AGPAT5: variants seen among roughly 807,000 people sequenced by gnomAD.
AGPAT5 encodes 1-acylglycerol-3-phosphate O-acyltransferase 5.
A neutral mutation model predicts 45.6 loss-of-function variants in AGPAT5; 46 were observed. The ratio of observed to expected loss-of-function variants is 1.01; its 90% confidence interval spans 0.80 to 1.29. AGPAT5 has a LOEUF of 1.29. Among genes scored for constraint, AGPAT5 ranks in the 50% most tolerant of loss-of-function variants. The pLI is 0.00. For synonymous variants in AGPAT5, 272 were observed against 167.0 expected, an observed-to-expected ratio of 1.63 and a Z score of -4.85; for missense variants, 673 against 450.7, an observed-to-expected ratio of 1.49 and a Z score of -4.47.
Position 6,760,356 on chromosome 8 carries a change from C to G in AGPAT5, c.*2968C>G, listed in dbSNP as rs1801993703. On this transcript the variant is annotated 3_prime_UTR_variant, in exon 8 of 8. Coordinates refer to ENST00000285518, the MANE Select transcript of AGPAT5 (RefSeq NM_018361.5). The stretch of plus-strand genomic sequence containing the variant: ...GAGATTGCAGTGAGCCATGGACATA[C>G]CACTGCACTACAGCCTAGGTAACAG... Among the ~76,000 whole-genome samples the G allele has an allele frequency of 6.6e-6, 1 of 152,124 alleles. No homozygotes were observed. The highest frequency in any genetic ancestry group is 2.1e-4 in the South Asian group (1 of 4,832).
intron 1 of AGPAT5, chr8:6,709,337 C>T (rs1274210992): frequency 5.7e-6 from 1 of 174,480 alleles, no homozygotes; most frequent in Admixed American, 5.8e-5. Context: ...TTCCCCTGGA[C>T]AAGTGAAAGC....
intron 1 of AGPAT5, among the ~76,000 whole-genome samples, chr8:6,721,377 C>A (rs10105620): frequency 0.021 from 3,204 of 152,310 alleles, 115 homozygotes; most frequent in African/African-American, 0.073. Context: ...CTAGCTAGCT[C>A]TTTCTCTTAT....
intron 7 of AGPAT5, among the ~76,000 whole-genome samples, chr8:6,755,608 T>C (rs1265378570): frequency 6.6e-6 from 1 of 152,308 alleles, no homozygotes; most frequent in East Asian, 1.9e-4. Context: ...ATGATGCTGT[T>C]ATATTTGTTG....
chr8:6,739,672 T>C (rs1464899400), intron 4 of AGPAT5, among the ~76,000 whole-genome samples: 2 of 152,142 alleles, frequency 1.3e-5, no homozygotes, highest in Admixed American at 1.3e-4. Flanking sequence ...TAGGATTTCC[T>C]ACATAAACAA....
chr8:6,753,068 A>C (rs1203261647), intron 6 of AGPAT5, among the ~76,000 whole-genome samples: 2 of 152,198 alleles, frequency 1.3e-5, no homozygotes, highest in Non-Finnish European at 2.9e-5. Context: ...AATTGCAGAG[A>C]TCAAATGAAA....
chr8:6,712,936 A>G (rs1279545027), intron 1 of AGPAT5, among the ~76,000 whole-genome samples: 1 of 152,148 alleles, frequency 6.6e-6, no homozygotes. Context: ...TATGCAATAC[A>G]CTGAAAACTG....
intron 4 of AGPAT5, among the ~76,000 whole-genome samples, chr8:6,733,198 C>A (rs1002818794): frequency 6.6e-6 from 1 of 152,222 alleles, no homozygotes; most frequent in African/African-American, 2.4e-5. Context: ...AAAGGCTTTT[C>A]CCCTGGTTCC....
chr8:6,747,685 A>G lies in AGPAT5; in HGVS notation c.602A>G (p.Lys201Arg). ...TGACTTCTAGGCCTTGCAGTATTAA[A>G]ACATGTGCTAACACCACGAATAAAG... ...FAAQRGLAVL[K>R]HVLTPRIKAT... is the part of the protein sequence containing the mutation. The change falls in exon 6 of 8, where the codon AAA becomes AGA. Residue 201 changes from lysine (K) to arginine (R), a missense_variant. Physicochemically the swap from Lys to Arg is conservative, Grantham distance 26 (BLOSUM62 2). Transcript: ENST00000285518. 1 of 1,614,026 alleles carries G rather than the reference A, an allele frequency of 6.2e-7. No individual in the cohort carries two copies. Among genetic ancestry groups the G allele is most frequent in the Admixed American group, 1.7e-5 (1 of 60,018 alleles).
At chr8:6,719,776 C>T (rs192317619) in intron 1 of AGPAT5, among the ~76,000 whole-genome samples, 1 of 152,314 alleles carries the variant, frequency 6.6e-6, no homozygotes, top group Admixed American at 6.5e-5. Context: ...TCTATCTTCT[C>T]TTAAAAAATC....
At chr8:6,743,486 A>C (rs138649703) in intron 5 of AGPAT5, among the ~76,000 whole-genome samples, 2 of 152,226 alleles carry the variant, frequency 1.3e-5, no homozygotes, top group Non-Finnish European at 1.5e-5. Context: ...TCCATCATTC[A>C]GTTTTTTTGC....
chr8:6,740,621 G>A (rs747462324), intron 4 of AGPAT5, among the ~76,000 whole-genome samples: 9 of 151,788 alleles, frequency 5.9e-5, no homozygotes, highest in Non-Finnish European at 8.8e-5. Context: ...GCATATTTGC[G>A]TGGAAGCTGA....
rs561120164 is a variant in AGPAT5 at position 6,721,747 on chromosome 8, G to A, written c.220-3123G>A. On this transcript the variant is annotated intron_variant, in intron 1 of 7. Coordinates refer to ENST00000285518, the MANE Select transcript of AGPAT5 (RefSeq NM_018361.5). ...ACTGTTCCTTTACCCTTGTAGGGTA[G>A]CTAGGGCTTGTGAATTAAGAGACTG... Among the ~76,000 whole-genome samples the A allele has an allele frequency of 1.8e-4, 27 of 152,344 alleles. No individual in the cohort carries two copies. The South Asian group carries it at 2.1e-3, about 12-fold the overall frequency.
Position 6,759,906 on chromosome 8 carries a change from A to C in AGPAT5, c.*2518A>C, listed in dbSNP as rs181053506. 9.8e-5 allele frequency among the ~76,000 whole-genome samples: 15 copies of C among 152,344 alleles called. No individual in the cohort carries two copies. In the Middle Eastern group the frequency reaches 0.017, roughly 173 times the overall value. On this transcript the variant is annotated 3_prime_UTR_variant, in exon 8 of 8. Transcript: ENST00000285518. ...TGTTAATTTGCTTGGCAATTCTGTA[A>C]TCATTAAGTGATCTCAGTGAAACAT... is the stretch of plus-strand genomic sequence containing the variant.
chr8:6,723,268 G>T (rs1311568234), intron 1 of AGPAT5, among the ~76,000 whole-genome samples: 1 of 152,200 alleles, frequency 6.6e-6, no homozygotes, highest in African/African-American at 2.4e-5. Flanking sequence ...TCCCTAAGGG[G>T]CTGGGGACTT....
chr8:6,748,094 A>T (rs1801537011), intron 6 of AGPAT5, among the ~76,000 whole-genome samples: 2 of 152,184 alleles, frequency 1.3e-5, no homozygotes, highest in South Asian at 4.1e-4. Flanking sequence ...TCACACTTAA[A>T]AGGAAAGCTC....
chr8:6,738,641 G>C (rs570531702), intron 4 of AGPAT5: 2 of 152,184 alleles, frequency 1.3e-5, no homozygotes, highest in Non-Finnish European at 2.9e-5. Context: ...TGCAATTTCC[G>C]TGAAGCTCAG....
In AGPAT5 at chr8:6,711,356, G is replaced by C. The variant is rs181550769; in HGVS notation, c.219+2469G>C. Reference sequence around the variant, plus strand: ...TATTTTCATATGTATCTCTGAGATAGAGAAATATTTCAGTCAGTGCTGCTA... The same window carrying C: ...TATTTTCATATGTATCTCTGAGATACAGAAATATTTCAGTCAGTGCTGCTA... On this transcript the variant is annotated intron_variant, in intron 1 of 7. Transcript: ENST00000285518. Among the ~76,000 whole-genome samples the C allele has an allele frequency of 4.6e-5, 7 of 152,292 alleles. No individual in the cohort carries two copies. In the East Asian group the frequency reaches 5.8e-4, roughly 13 times the overall value.
intron 4 of AGPAT5, among the ~76,000 whole-genome samples, 178 bp from the exon 5 acceptor site, chr8:6,741,483 A>G (rs1801243653): frequency 6.6e-6 from 1 of 152,136 alleles, no homozygotes; most frequent in Admixed American, 6.5e-5. Flanking sequence ...TTATGTTCAT[A>G]TTTAATTGTT....
Position 6,748,547 on chromosome 8 carries a change from C to G in AGPAT5, c.745+719C>G, listed in dbSNP as rs578054173. On this transcript the variant is annotated intron_variant, in intron 6 of 7. Transcript: ENST00000285518. ...GAGACAAGAGTTTCGCTCTGTCGCC[C>G]AGGCTGGAGTGCAGTGGCGCAATCT... Among the ~76,000 whole-genome samples, 316 of 152,278 alleles carry G rather than the reference C, an allele frequency of 2.1e-3. 1 individual carries two copies. Among genetic ancestry groups the G allele is most frequent in the Non-Finnish European group, 3.5e-3 (238 of 68,032 alleles).
Sources: allele counts gnomAD v4.1 joint callset (sites outside exome capture counted in the v4.1 genomes callset), GRCh38; gene constraint gnomAD v4.1.1; transcripts MANE v1.5; gene names NCBI Gene and HGNC (gene_info 2026-07-23, HGNC 2026-07-21).